Variants in UPRT observed in about 807,000 individuals in gnomAD.
The protein encoded by UPRT is RP11-311P8.3.
Under a neutral mutation model 22.6 loss-of-function variants are expected in UPRT, and 5 were observed. The ratio of observed to expected loss-of-function variants is 0.22; its 90% CI spans 0.12 to 0.47. The LOEUF (loss-of-function observed/expected upper bound fraction) is 0.47. UPRT is among the 20% of genes least tolerant of loss of function. The probability of loss-of-function intolerance (pLI) is 0.99; values close to 1 mark genes in which losing one functional copy is unlikely to be tolerated. For missense variants in UPRT, 181 were observed against 239.9 expected, an observed-to-expected ratio of 0.75 and a Z score of 1.62; for synonymous variants, 77 against 87.7, an observed-to-expected ratio of 0.88 and a Z score of 0.68.
intron 4 of UPRT, among the ~76,000 whole-genome samples, chrX:75,252,472 C>A (rs2082534480): frequency 8.9e-6 from 1 of 112,448 alleles, no homozygotes; most frequent in Non-Finnish European, 1.9e-5. Context: ...TGGAGAAATG[C>A]AAATCAAAAC....
intron 4 of UPRT, among the ~76,000 whole-genome samples, chrX:75,168,962 G>T (rs2082219808): frequency 8.9e-6 from 1 of 111,743 alleles, no homozygotes; most frequent in Non-Finnish European, 1.9e-5. Context: ...TCCAAAGTCT[G>T]TTGTATCATT....
rs909432423 is a variant in UPRT, at chrX:75,197,607, A to G, written c.-447+29728A>G. 8.0e-5 allele frequency among the ~76,000 whole-genome samples: 9 copies of G among 112,028 alleles called. No homozygotes were observed. The East Asian group carries it at 2.2e-3, about 28-fold the overall frequency. ...CTGCAATAATTAAAACATATATCAG[A>G]CATAAGACTTGTATCCTATATAAAC... On this transcript the variant is annotated intron_variant, in intron 4 of 13. Coordinates refer to the UPRT transcript ENST00000652605.
rs956412400 is a variant in UPRT, at chrX:75,259,451, C to T, written c.-446-31573C>T. Among the ~76,000 whole-genome samples, 6 of 107,488 alleles carry T rather than the reference C, an allele frequency of 5.6e-5. No homozygotes were observed. In the Admixed American group the frequency reaches 6.2e-4, roughly 11 times the overall value. 93.3% of individuals were successfully genotyped at this position (107,488 alleles called of 115,157 possible). On this transcript the variant is annotated intron_variant, in intron 4 of 13. Coordinates refer to the UPRT transcript ENST00000652605. ...GGAGCTCAGAAACACAGAACGAGAC[C>T]TTTTGAAGCATACACGAGTATCAAC...
chrX:75,296,123 C>T (rs2082725053), intron 2 of UPRT, among the ~76,000 whole-genome samples: 1 of 111,240 alleles, frequency 9.0e-6, no homozygotes, highest in African/African-American at 3.3e-5. Context: ...CTTTTGGTGA[C>T]AATCATGGCC....
At chrX:75,230,603 T>C (rs903707248) in intron 4 of UPRT, among the ~76,000 whole-genome samples, 1 of 111,940 alleles carries the variant, frequency 8.9e-6, no homozygotes, top group Admixed American at 9.5e-5. Context: ...AGATCCTGAG[T>C]CTGTCCACAT....
chrX:75,170,849 G>A (rs1296992382), intron 4 of UPRT, among the ~76,000 whole-genome samples: 1 of 111,477 alleles, frequency 9.0e-6, no homozygotes, highest in African/African-American at 3.3e-5. Flanking sequence ...TAGTTTTGCT[G>A]CATACAAAAT....
At chrX:75,194,169 G>C (rs2082325498) in intron 4 of UPRT, among the ~76,000 whole-genome samples, 1 of 111,684 alleles carries the variant, frequency 9.0e-6, no homozygotes, top group Admixed American at 9.6e-5. Flanking sequence ...TGGGAGTTTG[G>C]TTGTGGTATA....
At chrX:75,188,654 G>T (rs904979881) in intron 4 of UPRT, among the ~76,000 whole-genome samples, 3 of 112,679 alleles carry the variant, frequency 2.7e-5, no homozygotes. Context: ...ATCTCAGACT[G>T]CTGTGCTAGC....
intron 2 of UPRT, 39 bp downstream of exon 2, chrX:75,293,553 C>T: frequency 8.6e-7 from 1 of 1,168,842 alleles, no homozygotes; most frequent in Non-Finnish European, 1.1e-6. Flanking sequence ...ATTGTTTTGC[C>T]TAGTGATATA....
chrX:75,252,366 C>G (rs949178760), intron 4 of UPRT, among the ~76,000 whole-genome samples: 47 of 111,809 alleles, frequency 4.2e-4, no homozygotes, highest in African/African-American at 1.4e-3. Context: ...ACAACCCCAT[C>G]AAAAAGTGAG....
At chrX:75,197,132 G>A (rs1394962758) in intron 4 of UPRT, among the ~76,000 whole-genome samples, 1 of 111,062 alleles carries the variant, frequency 9.0e-6, no homozygotes, top group Non-Finnish European at 1.9e-5. Context: ...ATTGGCACAA[G>A]GTGAAAAAGA....
intron 4 of UPRT, among the ~76,000 whole-genome samples, chrX:75,268,485 T>G (rs1284796113): frequency 9.0e-6 from 1 of 111,548 alleles, no homozygotes; most frequent in Non-Finnish European, 1.9e-5. Context: ...ATACCCCTGA[T>G]GAACATCAAG....
At chrX:75,183,061 T>G (rs958219906) in intron 4 of UPRT, among the ~76,000 whole-genome samples, 3 of 110,754 alleles carry the variant, frequency 2.7e-5, no homozygotes, top group African/African-American at 9.9e-5. Flanking sequence ...CTAGGGTACA[T>G]GTGCACAACA....
chrX:75,252,224 A>C (rs2082533161), intron 4 of UPRT, among the ~76,000 whole-genome samples: 1 of 112,257 alleles, frequency 8.9e-6, no homozygotes, highest in Non-Finnish European at 1.9e-5. Flanking sequence ...GATCTAATTC[A>C]ACTAAAGAGC....
chrX:75,176,503 C>G (rs1290552796), intron 4 of UPRT, among the ~76,000 whole-genome samples: 1 of 111,818 alleles, frequency 8.9e-6, no homozygotes, highest in Non-Finnish European at 1.9e-5. Context: ...CCAGGTCTGC[C>G]TTGATCTACT....
chrX:75,299,088 G>T (rs2082735763), intron 4 of UPRT, among the ~76,000 whole-genome samples: 1 of 112,888 alleles, frequency 8.9e-6, no homozygotes, highest in Non-Finnish European at 1.9e-5. Context: ...GCATGAGAAT[G>T]ACTGCCTTTT....
intron 1 of UPRT, among the ~76,000 whole-genome samples, chrX:75,281,819 G>T (rs2082658331): frequency 9.0e-6 from 1 of 111,447 alleles, no homozygotes; most frequent in Admixed American, 9.5e-5. Context: ...CTGTCTTGTG[G>T]AATAGTGTCA....
In UPRT at chrX:75,252,317, AC is replaced by A. The variant is rs2082533555; in HGVS notation, c.-446-38706del. Among the ~76,000 whole-genome samples, 3 of 111,309 alleles carry A rather than the reference AC, an allele frequency of 2.7e-5. No homozygotes were observed. In the East Asian group the frequency reaches 8.5e-4, roughly 31 times the overall value. ...AAAATTTTTGCAACCTACTCATCTGACAAAAATTAACTCAAACAAATTTACA... is the reference window on the plus strand; with the variant it reads ...AAAATTTTTGCAACCTACTCATCTGAAAAAATTAACTCAAACAAATTTACA... On this transcript the variant is annotated intron_variant, in intron 4 of 13. Transcript: ENST00000652605.
chrX:75,213,892 A>T (rs894953890), intron 4 of UPRT, among the ~76,000 whole-genome samples: 6 of 112,167 alleles, frequency 5.3e-5, no homozygotes, highest in Admixed American at 4.7e-4. Flanking sequence ...AGACTTTAAC[A>T]TGTCTTTTTC....
Sources: allele counts gnomAD v4.1 joint callset (sites outside exome capture counted in the v4.1 genomes callset), GRCh38; gene constraint gnomAD v4.1.1; transcripts MANE v1.5; gene names NCBI Gene and HGNC (gene_info 2026-07-23, HGNC 2026-07-21).